The following DNAH5 variants were observed in gnomAD, a reference collection of about 807,000 sequenced individuals.
DNAH5 encodes the protein dynein axonemal heavy chain 5, also known as axonemal beta dynein heavy chain 5.
DNAH5 carries 372 observed loss-of-function variants against 518.2 expected under a neutral mutation model. The ratio of observed to expected loss-of-function variants is 0.72; its 90% CI spans 0.66 to 0.78. The LOEUF is 0.78. DNAH5 is among the 30% of genes least tolerant of loss of function. DNAH5 has a pLI of 0.00. For synonymous variants in DNAH5, 2,039 were observed against 2,025.9 expected (o/e 1.01, Z -0.17); for missense variants, 5,523 against 5,687.0 (o/e 0.97, Z 0.93).
intron 12 of DNAH5, among the ~76,000 whole-genome samples, chr5:13,904,380 A>G (rs998471427): frequency 2.0e-5 from 3 of 148,658 alleles, no homozygotes; most frequent in Non-Finnish European, 4.5e-5. Flanking sequence ...TAGATTGTAC[A>G]TGGATATTAT....
intron 1 of DNAH5, among the ~76,000 whole-genome samples, chr5:14,008,621 G>A (rs112018531): frequency 3.4e-4 from 51 of 151,472 alleles, no homozygotes; most frequent in African/African-American, 1.1e-3. Flanking sequence ...GCAACAGAGC[G>A]AGACTCTGTC....
intron 24 of DNAH5, among the ~76,000 whole-genome samples, chr5:13,869,406 T>C (rs1362809165): frequency 6.6e-6 from 1 of 152,158 alleles, no homozygotes; most frequent in African/African-American, 2.4e-5. Flanking sequence ...CATTTTCATC[T>C]GGAGGTTAAC....
intron 57 of DNAH5, 76 bp downstream of exon 57, chr5:13,769,425 G>T (rs1753001462): frequency 2.6e-6 from 3 of 1,170,068 alleles, no homozygotes; most frequent in South Asian, 2.4e-5. Flanking sequence ...TATAGCCAGT[G>T]AATATGCATA....
chr5:13,939,966 T>A (rs1779308354), intron 1 of DNAH5, among the ~76,000 whole-genome samples: 1 of 152,190 alleles, frequency 6.6e-6, no homozygotes, highest in African/African-American at 2.4e-5. Flanking sequence ...TGTGGTACCA[T>A]CCATTTTCTT....
rs774101738 is a variant in DNAH5 at position 13,737,245 on chromosome 5, A to C, written c.11455+7T>G. The C allele has an allele frequency of 3.1e-6, 5 of 1,613,972 alleles. No individual in the cohort carries two copies. In the Admixed American group the frequency reaches 8.3e-5, roughly 27 times the overall value. On this transcript the variant is annotated splice_region_variant and intron_variant, in intron 66 of 78. Coordinates refer to ENST00000265104, the MANE Select transcript of DNAH5 (RefSeq NM_001369.3). ...CTGTGACATTTGTCTTTCATTACCAAACTCACCAGGTCTGTATTCCTCCCG... is the reference window on the plus strand; with the variant it reads ...CTGTGACATTTGTCTTTCATTACCACACTCACCAGGTCTGTATTCCTCCCG...
In DNAH5 at chr5:13,966,829, T is replaced by C. The variant is rs144923084; in HGVS notation, c.13-35585A>G. Among the ~76,000 whole-genome samples the C allele has an allele frequency of 2.6e-3, 396 of 152,334 alleles. 2 individuals carry two copies. Among genetic ancestry groups the C allele is most frequent in the South Asian group, 3.7e-3 (18 of 4,826 alleles). On this transcript the variant is annotated intron_variant, in intron 1 of 78. Coordinates refer to the DNAH5 transcript ENST00000681290. ...CTGTTTACTCTGCTGATTATTTCTTTTGCTATGCTAAAGCATTGTTTTTTG... is the reference window on the plus strand; with the variant it reads ...CTGTTTACTCTGCTGATTATTTCTTCTGCTATGCTAAAGCATTGTTTTTTG...
intron 78 of DNAH5, among the ~76,000 whole-genome samples, chr5:13,698,407 C>T (rs1409716919): frequency 1.3e-5 from 2 of 152,288 alleles, no homozygotes; most frequent in African/African-American, 4.8e-5. Flanking sequence ...AATTAACAAA[C>T]GCCAAGCCAT....
chr5:13,911,724 G>A (rs761414952), intron 11 of DNAH5, among the ~76,000 whole-genome samples: 2 of 152,000 alleles, frequency 1.3e-5, no homozygotes, highest in South Asian at 2.1e-4. Context: ...GATGTTTTAT[G>A]TATTTTTGAA....
At chr5:13,817,858 A>C (rs1258724581) in intron 41 of DNAH5, among the ~76,000 whole-genome samples, 164 bp from the exon 42 acceptor site, 2 of 152,250 alleles carry the variant, frequency 1.3e-5, no homozygotes, top group African/African-American at 4.8e-5. Flanking sequence ...TACCATAATT[A>C]GCTTCATTAT....
chr5:13,896,197 A>G (rs1773900855), intron 15 of DNAH5, among the ~76,000 whole-genome samples: 1 of 152,068 alleles, frequency 6.6e-6, no homozygotes. Flanking sequence ...CTCTGCTCAC[A>G]TGGTTACATA....
rs143894811 is a variant in DNAH5, at chr5:13,830,729, C to G, written c.5929G>C (p.Ala1977Pro). Reference protein sequence around the residue: ...AQALGMSMGGAPAGPAGTGKT... With the variant: ...AQALGMSMGGPPAGPAGTGKT... Reference sequence around the variant, plus strand: ...CCTGTGCCTGCAGGTCCAGCAGGGGCTCCCCCCATGCTCATTCCCAGAGCT... The same window carrying G: ...CCTGTGCCTGCAGGTCCAGCAGGGGGTCCCCCCATGCTCATTCCCAGAGCT... Residue 1977 changes from alanine (A) to proline (P), a missense_variant, in exon 36 of 79, where the codon GCC (alanine) becomes CCC (proline). By Grantham distance (27) the Ala-to-Pro change is conservative. Transcript: ENST00000265104. 6.2e-7 allele frequency: 1 copy of G among 1,614,128 alleles called. No homozygotes were observed. Among genetic ancestry groups the G allele is most frequent in the Admixed American group, 1.7e-5 (1 of 60,022 alleles).
chr5:13,911,984 G>A (rs1300411128), intron 11 of DNAH5, among the ~76,000 whole-genome samples: 1 of 152,146 alleles, frequency 6.6e-6, no homozygotes, highest in African/African-American at 2.4e-5. Flanking sequence ...TCTTAAAAAT[G>A]TCAGACCAGA....
intron 1 of DNAH5, among the ~76,000 whole-genome samples, chr5:13,959,497 A>T (rs1781005618): frequency 6.6e-6 from 1 of 152,206 alleles, no homozygotes; most frequent in Non-Finnish European, 1.5e-5. Flanking sequence ...TCTTCATGCC[A>T]TGAGTGCAGG....
At chr5:13,820,208 T>C in intron 41 of DNAH5, 138 bp downstream of exon 41, 1 of 958,958 alleles carries the variant, frequency 1.0e-6, no homozygotes, top group Admixed American at 2.2e-5. Flanking sequence ...TCTAAAATGT[T>C]CCCAATAATT....
rs773421135 is a variant in DNAH5 at position 13,830,764 on chromosome 5, G to A, written c.5894C>T (p.Thr1965Met). 19 of 1,613,988 alleles carry A rather than the reference G, an allele frequency of 1.2e-5. No individual in the cohort carries two copies. Among genetic ancestry groups the A allele is most frequent in the Middle Eastern group, 1.6e-4 (1 of 6,074 alleles). Residue 1965 changes from threonine (T) to methionine (M), a missense_variant, in exon 36 of 79, where the codon ACG (threonine) becomes ATG (methionine). Physicochemically the swap from Thr to Met is moderately conservative, Grantham distance 81 (BLOSUM62 -1). This residue lies in a region of DNAH5 where 5,121 missense variants were observed against 5,223.3 expected (regional missense o/e 0.98). Coordinates refer to ENST00000265104, the MANE Select transcript of DNAH5 (RefSeq NM_001369.3). ...ITPLTDRCYITLAQALGMSMG... is the reference protein window; with the variant it reads ...ITPLTDRCYIMLAQALGMSMG... ...GCTCATTCCCAGAGCTTGAGCCAGCGTGATGTAACATCTGCATGGGTAGAA... is the reference window on the plus strand; with the variant it reads ...GCTCATTCCCAGAGCTTGAGCCAGCATGATGTAACATCTGCATGGGTAGAA...
At chr5:13,883,841 T>A (rs565201608) in intron 19 of DNAH5, among the ~76,000 whole-genome samples, 10 of 152,130 alleles carry the variant, frequency 6.6e-5, no homozygotes, top group African/African-American at 2.2e-4. Flanking sequence ...TAAAACATAA[T>A]AAGCCATGGC....
intron 31 of DNAH5, 64 bp downstream of exon 31, chr5:13,850,588 C>T (rs1247154520): frequency 4.7e-6 from 7 of 1,478,896 alleles, no homozygotes; most frequent in Non-Finnish European, 6.6e-6. Flanking sequence ...CTAATGCTAT[C>T]TAGTCTCCCT....
At chr5:13,752,106 C>T (rs1308237205) in intron 64 of DNAH5, 28 bp downstream of exon 64, 1 of 1,612,578 alleles carries the variant, frequency 6.2e-7, no homozygotes, top group African/African-American at 1.3e-5. Context: ...AATTGTTCTG[C>T]ACATTGTCAT....
At chr5:13,723,779 ACCAG>A (rs1299321728) in intron 70 of DNAH5, among the ~76,000 whole-genome samples, 1 of 152,212 alleles carries the variant, frequency 6.6e-6, no homozygotes, top group African/African-American at 2.4e-5. Context: ...TTCTTAAGTC[ACCAG>A]CTGAGCATAA....
Sources: gnomAD v4.1 joint callset for allele counts (sites outside exome capture counted in the v4.1 genomes callset) on GRCh38, gnomAD v4.1.1 for gene constraint, gnomAD v4.1.1 regional missense constraint, MANE v1.5 for transcripts, NCBI Gene and HGNC (gene_info 2026-07-23, HGNC 2026-07-21) for gene names.